The following ZAN variants were observed in gnomAD, a reference collection of about 807,000 sequenced individuals.
The protein encoded by ZAN is zonadhesin (gene/pseudogene).
ZAN carries 260 observed loss-of-function variants against 286.2 expected under a neutral mutation model. That is an observed-to-expected ratio of 0.91 (90% confidence interval 0.82 to 1.01). The LOEUF (loss-of-function observed/expected upper bound fraction) is 1.01. ZAN is among the 50% of genes least tolerant of loss of function. The pLI is 0.00. For missense variants in ZAN, 3,410 were observed against 3,639.2 expected (o/e 0.94, Z 1.62); for synonymous variants, 1,368 against 1,417.5 (o/e 0.97, Z 0.79).
At position 100,776,714 on chromosome 7, in the gene ZAN, C is replaced by CTTTCT. The variant is rs1221694711; in HGVS notation, c.6317+154_6317+158dup. On this transcript the variant is annotated intron_variant, in intron 34 of 47. Coordinates refer to ENST00000613979, the MANE Select transcript of ZAN (RefSeq NM_003386.3). ...TCTTTCTCTTTCTTTTCTTCCTCTC[C>CTTTCT]TTTCTTTTTTTTTTTTTTTTTTTTT... The CTTTCT allele has an allele frequency of 1.6e-4, 29 of 186,828 alleles. No homozygotes were observed. In the East Asian group the frequency reaches 2.1e-3, roughly 14 times the overall value. The allele number at this position is 186,828 out of a possible 1,614,324, so 11.6% of individuals were successfully genotyped here.
chr7:100,733,963 G>C, intron 1 of ZAN, 64 bp from the exon 2 acceptor site: 1 of 370,956 alleles, frequency 2.7e-6, no homozygotes, highest in Non-Finnish European at 5.1e-6. Flanking sequence ...TATTTCCCTC[G>C]ATTTCAATCT....
intron 37 of ZAN, among the ~76,000 whole-genome samples, chr7:100,787,514 T>C (rs1164856944): frequency 6.6e-6 from 1 of 152,142 alleles, no homozygotes; most frequent in African/African-American, 2.4e-5. Flanking sequence ...GGGGAGGGAC[T>C]CTGGGGACTG....
chr7:100,771,577 G>C (rs1470281450), intron 28 of ZAN, among the ~76,000 whole-genome samples: 4 of 152,000 alleles, frequency 2.6e-5, no homozygotes, highest in Admixed American at 2.6e-4. Flanking sequence ...GACTACAGGT[G>C]CCCTCTACTA....
In ZAN at chr7:100,792,495, C is replaced by T; in HGVS notation, c.7787+16C>T. On this transcript the variant is annotated intron_variant, in intron 42 of 47. Coordinates refer to ENST00000613979, the MANE Select transcript of ZAN (RefSeq NM_003386.3). The stretch of plus-strand genomic sequence containing the variant: ...TCCTCAGTGGGTACGCCATCCTCTG[C>T]CAGGAGGCGGGCGCTGCCCTGGCTG... The T allele has an allele frequency of 6.2e-7, 1 of 1,613,744 alleles. No homozygotes were observed. The highest frequency in any genetic ancestry group is 8.5e-7 in the Non-Finnish European group (1 of 1,179,826).
rs202239727 is a variant in ZAN, at chr7:100,760,536, G to C, written c.3842G>C (p.Ser1281Thr). 5.5e-5 allele frequency: 88 copies of C among 1,613,506 alleles called. 1 individual carries two copies. The highest frequency in any genetic ancestry group is 1.7e-5 in the Admixed American group (1 of 59,982). The change falls in exon 19 of 48, where the codon AGC (serine) becomes ACC (threonine). Residue 1281 changes from serine to threonine, a missense_variant and splice_region_variant. Physicochemically the swap from Ser to Thr is moderately conservative, Grantham distance 58 (BLOSUM62 1). Coordinates refer to ENST00000613979, the MANE Select transcript of ZAN (RefSeq NM_003386.3). ...GDQQLYVTVS[S>T]TYSGKLCGLC... ...CAGCAGCTGTATGTTACTGTGTCCA[G>C]GTAAGGCAGTGTCCCAGCCAGGCAG...
rs367657590 is a variant in ZAN at position 100,748,239 on chromosome 7, C to T, written c.1102+24C>T. ...GGGTGAGAGCAGGCCCTGAGAGGCC[C>T]GGATCTCTCAGAATCCGGGGTGGGC... On this transcript the variant is annotated intron_variant, in intron 10 of 47. Coordinates refer to ENST00000613979, the MANE Select transcript of ZAN (RefSeq NM_003386.3). The T allele has an allele frequency of 2.2e-5, 36 of 1,613,668 alleles. No homozygotes were observed. In the African/African-American group the frequency reaches 3.1e-4, roughly 14 times the overall value.
intron 42 of ZAN, 160 bp downstream of exon 42, chr7:100,792,639 G>C: frequency 7.0e-7 from 1 of 1,419,304 alleles, no homozygotes; most frequent in Non-Finnish European, 9.2e-7. Context: ...CGGGCTTTCT[G>C]TCTTAGTCCC....
chr7:100,767,927 G>C lies in ZAN; in HGVS notation c.4957G>C (p.Gly1653Arg). The change falls in exon 26 of 48, where the codon GGG (glycine) becomes CGG (arginine). Residue 1653 changes from glycine (G) to arginine (R), a missense_variant. Physicochemically the swap from Gly to Arg is moderately radical, Grantham distance 125. Transcript: ENST00000613979. ...SNLVLLYTNFGLQVRYDGSHL... is the reference protein window; with the variant it reads ...SNLVLLYTNFRLQVRYDGSHL... ...CCTCGTCCTCCTCTACACGAACTTT[G>C]GGCTCCAAGTTCGCTACGACGGGAG... 8 of 1,613,924 alleles carry C rather than the reference G, an allele frequency of 5.0e-6. No homozygotes were observed. Among genetic ancestry groups the C allele is most frequent in the African/African-American group, 1.3e-5 (1 of 75,026 alleles).
At chr7:100,733,755 G>C in intron 1 of ZAN, 107 bp downstream of exon 1, 1 of 151,404 alleles carries the variant, frequency 6.6e-6, no homozygotes, top group Non-Finnish European at 1.4e-5. Context: ...CATCACCCTG[G>C]ACACCTTTTT....
chr7:100,773,605 G>T, intron 30 of ZAN, 112 bp downstream of exon 30: 2 of 1,542,244 alleles, frequency 1.3e-6, no homozygotes, highest in Non-Finnish European at 1.8e-6. Context: ...GGCAGGGCTG[G>T]CCAAGGCTGG....
Position 100,775,580 on chromosome 7 carries a change from G to C in ZAN, c.6027+5G>C, listed in dbSNP as rs745892020. 6.2e-7 allele frequency: 1 copy of C among 1,612,648 alleles called. No homozygotes were observed. Among genetic ancestry groups the C allele is most frequent in the South Asian group, 1.1e-5 (1 of 91,078 alleles). ...CAGAAGGGCCACCGTGTGCTAGTGA[G>C]CTGGGTGTGGTGACCGGGGCTGGGA... On this transcript the variant is annotated splice_donor_5th_base_variant and intron_variant, in intron 32 of 47. Coordinates refer to ENST00000613979, the MANE Select transcript of ZAN (RefSeq NM_003386.3).
intron 39 of ZAN, 84 bp downstream of exon 39, chr7:100,789,431 G>A: frequency 6.4e-6 from 10 of 1,567,416 alleles, no homozygotes; most frequent in Non-Finnish European, 8.7e-6. Flanking sequence ...GGCAAATCCT[G>A]GTGAGCAGAC....
At chr7:100,782,596 G>T (rs1291936544) in intron 35 of ZAN, among the ~76,000 whole-genome samples, 3 of 152,124 alleles carry the variant, frequency 2.0e-5, no homozygotes, top group Admixed American at 6.6e-5. Flanking sequence ...CTCCCCAAGT[G>T]CTGGGGTTAC....
chr7:100,755,400 A>G lies in ZAN; in HGVS notation c.3299A>G (p.Asp1100Gly). 1 of 1,613,408 alleles carries G rather than the reference A, an allele frequency of 6.2e-7. No homozygotes were observed. Among genetic ancestry groups the G allele is most frequent in the Non-Finnish European group, 8.5e-7 (1 of 1,179,736 alleles). The change falls in exon 15 of 48, where the codon GAC becomes GGC. Residue 1100 changes from aspartate (D) to glycine (G), a missense_variant. By Grantham distance (94) the Asp-to-Gly change is moderately conservative. Coordinates refer to ENST00000613979, the MANE Select transcript of ZAN (RefSeq NM_003386.3). ...TCCTGCAATTGCTTCTACAACAACG[A>G]CTACTATGAGGTAAGCCCCCCGGGA... is the stretch of plus-strand genomic sequence containing the variant. ...ASSCNCFYNNDYYEPGAEWFS... is the reference protein window; with the variant it reads ...ASSCNCFYNNGYYEPGAEWFS...
At chr7:100,739,023 T>C (rs1408458186) in intron 7 of ZAN, among the ~76,000 whole-genome samples, 2 of 67,994 alleles carry the variant, frequency 2.9e-5, no homozygotes, top group African/African-American at 7.1e-5. Context: ...TTTCTTTTTT[T>C]TTTTTTGAAG....
At chr7:100,735,096 G>C (rs1807206791) in intron 2 of ZAN, among the ~76,000 whole-genome samples, 1 of 138,278 alleles carries the variant, frequency 7.2e-6, no homozygotes, top group Admixed American at 7.2e-5. Flanking sequence ...AGGCAGGAGA[G>C]TCACTTGAAC....
At position 100,795,266 on chromosome 7, in the gene ZAN, C is replaced by G. The variant is rs200292448; in HGVS notation, c.8196C>G (p.Cys2732Trp). The G allele has an allele frequency of 2.7e-4, 441 of 1,610,980 alleles. 2 individuals carry two copies. The African/African-American group carries it at 5.2e-3, about 19-fold the overall frequency. ...QCREQGATFT[C>W]ECEVGYGGGL... ...GGGAGCAGGGAGCCACCTTCACCTGCGAGTGTGAAGTTGGTTACGGGGGAG... is the reference window on the plus strand; with the variant it reads ...GGGAGCAGGGAGCCACCTTCACCTGGGAGTGTGAAGTTGGTTACGGGGGAG... The change falls in exon 45 of 48, where the codon TGC (cysteine) becomes TGG (tryptophan). Residue 2732 changes from cysteine (C) to tryptophan (W), a missense_variant. Coordinates refer to ENST00000613979, the MANE Select transcript of ZAN (RefSeq NM_003386.3).
chr7:100,797,576 G>GAGAGAAAACGCAGGAGGGAGAC lies in ZAN; in HGVS notation c.8370_8391dup (p.Leu2798GlufsTer45). On this transcript the variant is annotated frameshift_variant and splice_region_variant. Coordinates refer to ENST00000613979, the MANE Select transcript of ZAN (RefSeq NM_003386.3). LOFTEE classifies it high-confidence loss of function. ...CATGTCTATTCCCCCATGCCTTCTAGAGAGAAAACGCAGGAGGGAGACAGA... is the reference window on the plus strand; with the variant it reads ...CATGTCTATTCCCCCATGCCTTCTAGAGAGAAAACGCAGGAGGGAGACAGAGAAAACGCAGGAGGGAGACAGA... The GAGAGAAAACGCAGGAGGGAGAC allele has an allele frequency of 6.2e-7, 1 of 1,613,550 alleles. No homozygotes were observed. Among genetic ancestry groups the GAGAGAAAACGCAGGAGGGAGAC allele is most frequent in the Non-Finnish European group, 8.5e-7 (1 of 1,179,876 alleles).
At chr7:100,767,760 G>T in intron 25 of ZAN, 71 bp from the exon 26 acceptor site, 1 of 1,514,396 alleles carries the variant, frequency 6.6e-7, no homozygotes, top group Non-Finnish European at 8.9e-7. Flanking sequence ...TTGCAGGCAT[G>T]AGCCCCCGTC....
Sources: gnomAD v4.1 joint callset for allele counts (sites outside exome capture counted in the v4.1 genomes callset) on GRCh38, gnomAD v4.1.1 for gene constraint, MANE v1.5 for transcripts, NCBI Gene and HGNC (gene_info 2026-07-23, HGNC 2026-07-21) for gene names.